DIAPH2: variants seen among roughly 807,000 people sequenced by gnomAD.
DIAPH2 encodes protein diaphanous homolog 2.
In DIAPH2, 35 loss-of-function variants were observed where a neutral mutation model predicts 92.7. That is an observed-to-expected ratio of 0.38 (90% CI 0.29 to 0.50). DIAPH2 has a LOEUF of 0.50. DIAPH2 is among the 20% of genes least tolerant of loss of function. DIAPH2 has a pLI of 0.94. For synonymous variants in DIAPH2, 301 were observed against 280.4 expected, an observed-to-expected ratio of 1.07 and a Z score of -0.73; for missense variants, 701 against 819.5, an observed-to-expected ratio of 0.86 and a Z score of 1.77.
chrX:97,252,449 C>T (rs776571492), intron 23 of DIAPH2, among the ~76,000 whole-genome samples: 1 of 111,970 alleles, frequency 8.9e-6, no homozygotes, highest in East Asian at 2.8e-4. Flanking sequence ...TGAGAAGGCA[C>T]ATTATCCTTT....
chrX:96,840,702 G>A (rs1364380057), intron 4 of DIAPH2, among the ~76,000 whole-genome samples: 1 of 110,658 alleles, frequency 9.0e-6, no homozygotes, highest in African/African-American at 3.3e-5. Flanking sequence ...TCTGCCTCCT[G>A]GGTTCACGCC....
At chrX:97,187,915 A>G (rs1374791899) in intron 22 of DIAPH2, among the ~76,000 whole-genome samples, 2 of 111,651 alleles carry the variant, frequency 1.8e-5, no homozygotes, top group Admixed American at 1.9e-4. Context: ...CCTGCAGCCT[A>G]CACCTACTTT....
chrX:96,894,897 A>C (rs2147763092), intron 5 of DIAPH2, among the ~76,000 whole-genome samples: 1 of 110,822 alleles, frequency 9.0e-6, no homozygotes, highest in South Asian at 3.9e-4. Context: ...GGAATGATAA[A>C]AGTTAAGAAT....
intron 20 of DIAPH2, among the ~76,000 whole-genome samples, chrX:97,113,989 C>T (rs886917171): frequency 9.0e-5 from 10 of 111,505 alleles, no homozygotes; most frequent in African/African-American, 2.9e-4. Context: ...ATCATAGTAA[C>T]TATACCAAGT....
intron 23 of DIAPH2, among the ~76,000 whole-genome samples, chrX:97,274,869 A>G (rs1011784383): frequency 1.8e-5 from 2 of 110,948 alleles, no homozygotes; most frequent in Non-Finnish European, 3.8e-5. Flanking sequence ...GCCTTCAAGC[A>G]TCTGTTTAAC....
chrX:97,554,686 C>T (rs1317451142), intron 26 of DIAPH2, among the ~76,000 whole-genome samples: 2 of 111,715 alleles, frequency 1.8e-5, no homozygotes, highest in African/African-American at 6.5e-5. Flanking sequence ...GGCTTTGCAA[C>T]TTATATAACT....
intron 26 of DIAPH2, among the ~76,000 whole-genome samples, chrX:97,497,043 C>A (rs1418922244): frequency 9.0e-6 from 1 of 110,585 alleles, no homozygotes; most frequent in African/African-American, 3.3e-5. Context: ...AAACACTATC[C>A]TAATCAATGT....
At chrX:97,015,787 GAA>G (rs397966972) in intron 17 of DIAPH2, among the ~76,000 whole-genome samples, 1 of 33,604 alleles carries the variant, frequency 3.0e-5, no homozygotes, top group Non-Finnish European at 5.5e-5. Context: ...GACGCCATCT[GAA>G]AAAAAAAAAA....
rs949893239 is a variant in DIAPH2, at chrX:97,573,375, G to C, written c.3242-25878G>C. The stretch of plus-strand genomic sequence containing the variant: ...TTTTGTGATGTGTTAACTAAGCTCT[G>C]TGCATGTATGTTGGTGCCCTATCCC... On this transcript the variant is annotated intron_variant, in intron 26 of 26. Coordinates refer to ENST00000324765, the MANE Select transcript of DIAPH2 (RefSeq NM_006729.5). Among the ~76,000 whole-genome samples, 4 of 111,426 alleles carry C rather than the reference G, an allele frequency of 3.6e-5. No homozygotes were observed. The South Asian group carries it at 1.5e-3, about 42-fold the overall frequency.
intron 23 of DIAPH2, among the ~76,000 whole-genome samples, chrX:97,297,665 A>T (rs1023495867): frequency 1.9e-4 from 18 of 95,977 alleles, no homozygotes; most frequent in African/African-American, 6.8e-4. Context: ...GAAAATTGCT[A>T]TGGTTCTACT....
At chrX:97,521,339 A>C (rs1484238483) in intron 26 of DIAPH2, among the ~76,000 whole-genome samples, 1 of 112,320 alleles carries the variant, frequency 8.9e-6, no homozygotes, top group Non-Finnish European at 1.9e-5. Context: ...ACAATTTGCA[A>C]CACATTGTAC....
At chrX:96,912,444 G>A in intron 6 of DIAPH2, 39 bp from the exon 7 acceptor site, 10 of 1,200,082 alleles carry the variant, frequency 8.3e-6, no homozygotes, top group Non-Finnish European at 1.1e-5. Context: ...AAGGGAAAAT[G>A]TTTCAGCACA....
intron 17 of DIAPH2, among the ~76,000 whole-genome samples, chrX:97,056,451 A>G (rs1254284266): frequency 1.8e-5 from 2 of 111,815 alleles, no homozygotes; most frequent in Non-Finnish European, 3.8e-5. Flanking sequence ...GATAATGACC[A>G]TACGTATTAA....
At chrX:97,351,578 G>A (rs1376496151) in intron 24 of DIAPH2, among the ~76,000 whole-genome samples, 1 of 111,733 alleles carries the variant, frequency 8.9e-6, no homozygotes, top group African/African-American at 3.3e-5. Context: ...CACTTTGGGA[G>A]GCCGAGGCGG....
intron 21 of DIAPH2, among the ~76,000 whole-genome samples, chrX:97,129,127 T>TTTTCTTTTCTTTTCTTTTC (rs1252533029): frequency 2.9e-4 from 23 of 80,490 alleles, no homozygotes; most frequent in Admixed American, 1.0e-3. Context: ...TTTTCTTTTC[T>TTTTCTTTTCTTTTCTTTTC]TTTCTTTTCT....
intron 23 of DIAPH2, among the ~76,000 whole-genome samples, chrX:97,295,526 C>T (rs1001543316): frequency 4.5e-5 from 5 of 111,257 alleles, no homozygotes; most frequent in African/African-American, 1.6e-4. Flanking sequence ...ATTTCATCCT[C>T]AGAACTATCC....
In DIAPH2 at chrX:96,912,867, TAC is replaced by T. The variant is rs887193510; in HGVS notation, c.732+317_732+318del. ...TAAATAATAAGTGTTTATAAAGTTT[TAC>T]AGTGAGGTTAAATACACATTTGAAA... On this transcript the variant is annotated intron_variant, in intron 7 of 26. Coordinates refer to ENST00000324765, the MANE Select transcript of DIAPH2 (RefSeq NM_006729.5). Among the ~76,000 whole-genome samples the T allele has an allele frequency of 8.1e-5, 9 of 111,364 alleles. No individual in the cohort carries two copies. In the Admixed American group the frequency reaches 8.7e-4, roughly 11 times the overall value.
intron 22 of DIAPH2, among the ~76,000 whole-genome samples, chrX:97,162,347 C>CA (rs2067380490): frequency 9.0e-6 from 1 of 111,511 alleles, no homozygotes; most frequent in African/African-American, 3.3e-5. Flanking sequence ...TCTTCATTGT[C>CA]AAAATGGATA....
intron 24 of DIAPH2, among the ~76,000 whole-genome samples, chrX:97,376,688 A>C (rs2069504103): frequency 8.9e-6 from 1 of 112,381 alleles, no homozygotes; most frequent in Non-Finnish European, 1.9e-5. Context: ...GTACAGGTAC[A>C]ATCATGTGTT....
Sources: allele counts gnomAD v4.1 joint callset (sites outside exome capture counted in the v4.1 genomes callset), GRCh38; gene constraint gnomAD v4.1.1; transcripts MANE v1.5; gene names NCBI Gene and HGNC (gene_info 2026-07-23, HGNC 2026-07-21).